Variants in RBFOX1 observed in about 807,000 individuals in gnomAD.
RBFOX1 encodes the protein RNA binding fox-1 homolog 1.
Under a neutral mutation model 57.7 loss-of-function variants are expected in RBFOX1, and 8 were observed. That is an observed-to-expected ratio of 0.14 (90% CI 0.08 to 0.25). RBFOX1 has a LOEUF of 0.25. Among genes scored for constraint, RBFOX1 ranks in the 10% least tolerant of loss-of-function variants. The pLI, the probability that RBFOX1 is intolerant of heterozygous loss-of-function variation, is 1.00. For missense variants in RBFOX1, 611 were observed against 548.5 expected, an observed-to-expected ratio of 1.11 and a Z score of -1.14; for synonymous variants, 326 against 222.4, an observed-to-expected ratio of 1.47 and a Z score of -4.15.
chr16:6,370,341 G>C (rs1360263059), intron 2 of RBFOX1, among the ~76,000 whole-genome samples: 1 of 105,534 alleles, frequency 9.5e-6, no homozygotes, highest in African/African-American at 3.7e-5. Context: ...CTGGGCGACA[G>C]ATAGAGACTC....
chr16:5,708,766 G>C (rs999129240), intron 3 of RBFOX1, among the ~76,000 whole-genome samples: 1 of 152,188 alleles, frequency 6.6e-6, no homozygotes, highest in Non-Finnish European at 1.5e-5. Context: ...ACTGAGCCTG[G>C]GAGAGGGCCA....
intron 11 of RBFOX1, among the ~76,000 whole-genome samples, chr16:7,648,875 G>A (rs1187247745): frequency 1.3e-5 from 2 of 152,174 alleles, no homozygotes; most frequent in African/African-American, 4.8e-5. Flanking sequence ...GGTCCAAGCA[G>A]CCTCCCCTTG....
At chr16:7,138,348 G>A (rs899125202) in intron 4 of RBFOX1, among the ~76,000 whole-genome samples, 2 of 152,130 alleles carry the variant, frequency 1.3e-5, no homozygotes, top group South Asian at 2.1e-4. Flanking sequence ...AGTGTTAAAC[G>A]GACTTCTGTA....
At chr16:5,365,965 C>A (rs970939495) in intron 1 of RBFOX1, 1 of 493,416 alleles carries the variant, frequency 2.0e-6, no homozygotes, top group Middle Eastern at 7.3e-4. Context: ...AAGGATGAAT[C>A]GTACATTGTG....
At chr16:6,912,701 C>T (rs1056276757) in intron 3 of RBFOX1, among the ~76,000 whole-genome samples, 1 of 151,816 alleles carries the variant, frequency 6.6e-6, no homozygotes, top group African/African-American at 2.4e-5. Flanking sequence ...CTGTAGCGCC[C>T]CAACCTCCTG....
intron 1 of RBFOX1, among the ~76,000 whole-genome samples, chr16:5,371,104 C>T (rs1294707333): frequency 3.3e-5 from 5 of 152,164 alleles, no homozygotes; most frequent in Non-Finnish European, 4.4e-5. Context: ...TGCGCCATCA[C>T]GCCCGGCTAA....
At chr16:5,964,332 T>G (rs1303462783) in intron 4 of RBFOX1, among the ~76,000 whole-genome samples, 1 of 152,142 alleles carries the variant, frequency 6.6e-6, no homozygotes, top group Admixed American at 6.6e-5. Flanking sequence ...TGGGAAACAG[T>G]ATGGAGATTT....
At chr16:6,546,317 C>G (rs541103598) in intron 2 of RBFOX1, among the ~76,000 whole-genome samples, 61 of 152,294 alleles carry the variant, frequency 4.0e-4, no homozygotes, top group Admixed American at 9.8e-4. Context: ...TGCACAAAGA[C>G]CTTGTAAGAT....
chr16:6,521,448 C>A (rs1437820688), intron 2 of RBFOX1, among the ~76,000 whole-genome samples: 15 of 140,094 alleles, frequency 1.1e-4, no homozygotes, highest in African/African-American at 3.7e-4. Context: ...CCCCTCCCCT[C>A]CCGTCCCCTC....
At position 7,518,187 on chromosome 16, in the gene RBFOX1, A is replaced by G. The variant is rs995470639; in HGVS notation, c.68A>G (p.Gln23Arg). ...EAAAAPDTMA[Q>R]PYASAQFAPP... ...GCCGCTGCCCCTGACACAATGGCTC[A>G]GCCTTACGCTTCGGCCCAGTTTGCT... is the stretch of plus-strand genomic sequence containing the variant. The change falls in exon 5 of 16, where the codon CAG becomes CGG. Residue 23 changes from glutamine (Q) to arginine (R), a missense_variant. Transcript: ENST00000550418. 6.2e-7 allele frequency: 1 copy of G among 1,613,724 alleles called. No individual in the cohort carries two copies.
At chr16:5,676,209 C>T (rs922883582) in intron 3 of RBFOX1, among the ~76,000 whole-genome samples, 46 of 151,156 alleles carry the variant, frequency 3.0e-4, no homozygotes, top group Admixed American at 2.0e-4. Context: ...TATACCTATG[C>T]GACAAACCTG....
At chr16:7,411,063 A>G (rs2098419954) in intron 4 of RBFOX1, among the ~76,000 whole-genome samples, 1 of 152,152 alleles carries the variant, frequency 6.6e-6, no homozygotes, top group African/African-American at 2.4e-5. Context: ...CTTGTGCCTC[A>G]GCGTACCGAG....
At chr16:7,136,681 T>G (rs2072087869) in intron 4 of RBFOX1, among the ~76,000 whole-genome samples, 1 of 152,204 alleles carries the variant, frequency 6.6e-6, no homozygotes, top group African/African-American at 2.4e-5. Context: ...CCTCCCAAAG[T>G]GTTGGGATTA....
intron 3 of RBFOX1, among the ~76,000 whole-genome samples, chr16:6,872,657 G>A (rs144761530): frequency 6.6e-6 from 1 of 152,348 alleles, no homozygotes; most frequent in South Asian, 2.1e-4. Flanking sequence ...AAAGTAGAAT[G>A]ATTGGACACT....
At chr16:5,883,187 A>AT (rs746269116) in intron 4 of RBFOX1, among the ~76,000 whole-genome samples, 43 of 151,372 alleles carry the variant, frequency 2.8e-4, no homozygotes, top group East Asian at 9.7e-4. Context: ...TTTAATAATA[A>AT]TTTTTTTTTG....
At chr16:7,547,182 T>C (rs1335178576) in intron 5 of RBFOX1, among the ~76,000 whole-genome samples, 1 of 152,214 alleles carries the variant, frequency 6.6e-6, no homozygotes, top group Non-Finnish European at 1.5e-5. Flanking sequence ...ATAAATACTT[T>C]CTTATAAGGC....
chr16:6,612,094 C>T (rs554290311), intron 2 of RBFOX1, among the ~76,000 whole-genome samples: 15 of 152,300 alleles, frequency 9.8e-5, no homozygotes, highest in Middle Eastern at 3.4e-3. Context: ...CAACCCTCCC[C>T]TCTTGCATAT....
At chr16:5,665,592 C>T (rs2049816268) in intron 3 of RBFOX1, among the ~76,000 whole-genome samples, 1 of 152,196 alleles carries the variant, frequency 6.6e-6, no homozygotes, top group African/African-American at 2.4e-5. Flanking sequence ...GGTCACCAGT[C>T]ACCATCAGAG....
chr16:5,353,255 G>A (rs933599167), intron 1 of RBFOX1, among the ~76,000 whole-genome samples: 3 of 151,914 alleles, frequency 2.0e-5, no homozygotes, highest in Admixed American at 2.0e-4. Flanking sequence ...GCACATGCCT[G>A]TAATCCCAGC....
Sources: gnomAD v4.1 joint callset for allele counts (sites outside exome capture counted in the v4.1 genomes callset) on GRCh38, gnomAD v4.1.1 for gene constraint, MANE v1.5 for transcripts, NCBI Gene and HGNC (gene_info 2026-07-23, HGNC 2026-07-21) for gene names.